ABR: variants seen among roughly 807,000 people sequenced by gnomAD.
ABR encodes ABR activator of RhoGEF and GTPase.
Under a neutral mutation model 107.2 loss-of-function variants are expected in ABR, and 35 were observed. That is an observed-to-expected ratio of 0.33 (90% CI 0.25 to 0.43). The LOEUF (loss-of-function observed/expected upper bound fraction) is 0.43, where lower values mean the gene tolerates loss of function less well. Ranked by LOEUF, ABR falls within the 20% of genes least tolerant of loss-of-function variation. ABR has a pLI of 1.00. For missense variants in ABR, 815 were observed against 1,115.2 expected, an observed-to-expected ratio of 0.73 and a Z score of 3.83; for synonymous variants, 498 against 462.0, an observed-to-expected ratio of 1.08 and a Z score of -1.00.
At chr17:1,155,033 C>A (rs1451702556) in intron 1 of ABR, 1 of 152,084 alleles carries the variant, frequency 6.6e-6, no homozygotes, top group Non-Finnish European at 1.5e-5. Flanking sequence ...GCCAGTCACA[C>A]TGGGCCCTCT....
At chr17:1,162,335 G>C (rs1043467741) in intron 1 of ABR, among the ~76,000 whole-genome samples, 43 of 152,322 alleles carry the variant, frequency 2.8e-4, no homozygotes, top group African/African-American at 1.0e-3. Flanking sequence ...GACTCGGCAA[G>C]AACAGCTGCA....
chr17:1,142,539 C>T (rs917733585), intron 1 of ABR, among the ~76,000 whole-genome samples: 3 of 150,178 alleles, frequency 2.0e-5, no homozygotes, highest in African/African-American at 7.4e-5. Flanking sequence ...GAGCTGAGAT[C>T]ACACCATTGC....
In ABR at chr17:1,091,736, A is replaced by G; in HGVS notation, c.460T>C (p.Tyr154His). 6.2e-7 allele frequency: 1 copy of G among 1,614,192 alleles called. No homozygotes were observed. The highest frequency in any genetic ancestry group is 8.5e-7 in the Non-Finnish European group (1 of 1,180,030). ...QDIYEIHKEF[Y>H]DNLCPKVQQW... ...TGCACCTTGGGGCACAGGTTGTCAT[A>G]GAACTCCTTGTGGATCTCATAGATG... The change falls in exon 4 of 23, where the codon TAT (tyrosine) becomes CAT (histidine). Residue 154 changes from tyrosine (Y) to histidine (H), a missense_variant. Tyr to His is a moderately conservative substitution (Grantham distance 83). This residue lies in a region of ABR where 385 missense variants were observed against 596.9 expected (regional missense o/e 0.64). Transcript: ENST00000302538.
intron 4 of ABR, among the ~76,000 whole-genome samples, chr17:1,090,237 G>A (rs1368355373): frequency 6.6e-6 from 1 of 152,214 alleles, no homozygotes; most frequent in East Asian, 1.9e-4. Flanking sequence ...GAGCACAGAG[G>A]TGCGGGGAGG....
chr17:1,221,358 T>C (rs2043117234), intron 1 of ABR, among the ~76,000 whole-genome samples: 1 of 152,196 alleles, frequency 6.6e-6, no homozygotes, highest in Admixed American at 6.6e-5. Flanking sequence ...ATTCTTCTAA[T>C]TCCTGCCTGA....
intron 21 of ABR, among the ~76,000 whole-genome samples, chr17:1,007,828 G>C (rs1424555112): frequency 6.6e-6 from 1 of 152,248 alleles, no homozygotes; most frequent in Non-Finnish European, 1.5e-5. Flanking sequence ...TTTCTCATGT[G>C]CTAAGTGGCC....
chr17:1,088,723 G>C (rs1282684119), intron 4 of ABR, among the ~76,000 whole-genome samples: 1 of 150,714 alleles, frequency 6.6e-6, no homozygotes, highest in African/African-American at 2.4e-5. Context: ...GTAGTAGCTG[G>C]GATCACAGGT....
At chr17:1,223,671 A>AT (rs2043161481) in intron 1 of ABR, among the ~76,000 whole-genome samples, 1 of 152,176 alleles carries the variant, frequency 6.6e-6, no homozygotes, top group South Asian at 2.1e-4. Context: ...AAGAGGTTTA[A>AT]TTGACTCACA....
intron 16 of ABR, among the ~76,000 whole-genome samples, chr17:1,016,887 TA>T (rs2150777903): frequency 6.6e-6 from 1 of 152,260 alleles, no homozygotes; most frequent in South Asian, 2.1e-4. Context: ...GCAGTTGCTA[TA>T]ACAGGCCACT....
In ABR at chr17:1,209,277, G is replaced by C. The variant is rs146268284; in HGVS notation, c.838+19516C>G. Among the ~76,000 whole-genome samples the C allele has an allele frequency of 8.1e-4, 122 of 150,740 alleles. 1 individual carries two copies. Among genetic ancestry groups the C allele is most frequent in the African/African-American group, 2.8e-3 (114 of 41,112 alleles). ...CACATCCTTCTCTTTTAACCTGTTT[G>C]TTTCTTTCTTTTTTTTTTTGAGACC... is the stretch of plus-strand genomic sequence containing the variant. On this transcript the variant is annotated intron_variant, in intron 1 of 22. Coordinates refer to the ABR transcript ENST00000574139.
intron 9 of ABR, among the ~76,000 whole-genome samples, chr17:1,068,190 C>G (rs556418216): frequency 1.2e-4 from 19 of 152,368 alleles, no homozygotes; most frequent in Non-Finnish European, 2.8e-4. Flanking sequence ...GCCTTGGCCT[C>G]CCAAAGTGCT....
At chr17:1,192,267 G>A (rs2042452106), upstream of ABR, among the ~76,000 whole-genome samples, 1 of 152,100 alleles carries the variant, frequency 6.6e-6, no homozygotes, top group South Asian at 2.1e-4. Flanking sequence ...ATGAGCCACG[G>A]CGCCCTGCAG....
At position 1,006,048 on chromosome 17, in the gene ABR, C is replaced by T; in HGVS notation, c.*32G>A. 6.6e-7 allele frequency: 1 copy of T among 1,526,228 alleles called. No individual in the cohort carries two copies. Among genetic ancestry groups the T allele is most frequent in the South Asian group, 1.2e-5 (1 of 83,620 alleles). 94.5% of individuals were successfully genotyped at this position (1,526,228 alleles called of 1,614,324 possible). ...GGACCCCAGGCTGGAGGGGCTGGTT[C>T]CACCACCCGCCCGCAGCCACCCTGC... On this transcript the variant is annotated 3_prime_UTR_variant, in exon 23 of 23. Coordinates refer to ENST00000302538, the MANE Select transcript of ABR (RefSeq NM_021962.5).
In ABR at chr17:1,062,955, T is replaced by C. The variant is rs9896559; in HGVS notation, c.1183-4088A>G. On this transcript the variant is annotated intron_variant, in intron 10 of 22. Coordinates refer to ENST00000302538, the MANE Select transcript of ABR (RefSeq NM_021962.5). The stretch of plus-strand genomic sequence containing the variant: ...TGAGGGCTATGCATGTTCCTCTAGA[T>C]GCTGCTGTTATGTGAACTGAGGGCT... 5.5e-3 allele frequency among the ~76,000 whole-genome samples: 407 copies of C among 74,374 alleles called. 2 individuals are homozygous for C. Among genetic ancestry groups the C allele is most frequent in the African/African-American group, 0.015 (293 of 19,884 alleles). 48.8% of individuals were successfully genotyped at this position (74,374 alleles called of 152,430 possible).
chr17:1,137,655 C>T (rs1411458836), intron 1 of ABR, among the ~76,000 whole-genome samples: 4 of 152,170 alleles, frequency 2.6e-5, no homozygotes, highest in African/African-American at 4.8e-5. Context: ...GTGAGAACCA[C>T]CAACACGTAA....
intron 1 of ABR, among the ~76,000 whole-genome samples, chr17:1,196,205 G>A (rs2042560648): frequency 6.6e-6 from 1 of 150,720 alleles, no homozygotes; most frequent in African/African-American, 2.5e-5. Context: ...CGAGGCAGGC[G>A]GATCACCTGA....
At chr17:1,181,826 A>G, upstream of ABR, 1 of 152,210 alleles carries the variant, frequency 6.6e-6, no homozygotes, top group South Asian at 2.1e-4. Context: ...TCCTCAAAAC[A>G]ACAACAAGCA....
chr17:1,078,133 C>T lies in ABR; in HGVS notation c.700+1197G>A, dbSNP rs968946159. ...TGTGTGTGTGTGTGTGTGTGTGTGA[C>T]CTTCACAGAGTAGCTTGCCACACCC... is the stretch of plus-strand genomic sequence containing the variant. On this transcript the variant is annotated intron_variant, in intron 6 of 22. Coordinates refer to ENST00000302538, the MANE Select transcript of ABR (RefSeq NM_021962.5). The surrounding 1 kb of genome is among the most constrained non-coding windows in gnomAD (Gnocchi z 7.5). Among the ~76,000 whole-genome samples the T allele has an allele frequency of 3.4e-5, 5 of 148,160 alleles. No homozygotes were observed. Among genetic ancestry groups the T allele is most frequent in the African/African-American group, 1.3e-4 (5 of 39,198 alleles).
At position 1,208,805 on chromosome 17, in the gene ABR, A is replaced by G. The variant is rs796647712; in HGVS notation, c.838+19988T>C. 2.7e-4 allele frequency among the ~76,000 whole-genome samples: 41 copies of G among 151,456 alleles called. 2 individuals are homozygous for G. Among genetic ancestry groups the G allele is most frequent in the African/African-American group, 6.3e-4 (26 of 41,284 alleles). On this transcript the variant is annotated intron_variant, in intron 1 of 22. Transcript: ENST00000574139. ...CGGGAGGCTGAGGCAGGAGAATGGC[A>G]TGAACCCGGGAGGTGGAGCTTGCAG...
Sources: gnomAD v4.1 joint callset for allele counts (sites outside exome capture counted in the v4.1 genomes callset) on GRCh38, gnomAD v4.1.1 for gene constraint, gnomAD v4.1.1 regional missense constraint, Gnocchi (gnomAD v3.1) non-coding constraint, MANE v1.5 for transcripts, NCBI Gene and HGNC (gene_info 2026-07-23, HGNC 2026-07-21) for gene names.